The following SORBS2 variants were observed in gnomAD, a reference collection of about 807,000 sequenced individuals.
SORBS2 encodes sorbin and SH3 domain containing 2.
In SORBS2, 46 loss-of-function variants were observed where a neutral mutation model predicts 97.7. The ratio of observed to expected loss-of-function variants is 0.47; its 90% CI spans 0.37 to 0.60. The LOEUF is 0.60. Ranked by LOEUF, SORBS2 falls within the 20% of genes least tolerant of loss-of-function variation. The probability of loss-of-function intolerance (pLI) is 0.00; values close to 1 mark genes in which losing one functional copy is unlikely to be tolerated. For missense variants in SORBS2, 1,316 were observed against 1,282.3 expected (o/e 1.03, Z -0.40); for synonymous variants, 476 against 473.4 (o/e 1.01, Z -0.07).
intron 5 of SORBS2, 63 bp downstream of exon 8, chr4:185,662,041 C>A: frequency 6.3e-7 from 1 of 1,583,532 alleles, no homozygotes; most frequent in Non-Finnish European, 8.6e-7. Flanking sequence ...GCATATCTTT[C>A]TCCTGTGGTT....
intron 4 of SORBS2, among the ~76,000 whole-genome samples, chr4:185,678,220 A>G (rs554468537): frequency 2.0e-5 from 3 of 152,366 alleles, no homozygotes; most frequent in Non-Finnish European, 4.4e-5. Flanking sequence ...GCTTAATCAG[A>G]AACAAAACCA....
At chr4:185,848,964 T>C (rs1357287195) in intron 1 of SORBS2, among the ~76,000 whole-genome samples, 1 of 152,210 alleles carries the variant, frequency 6.6e-6, no homozygotes, top group Non-Finnish European at 1.5e-5. Context: ...CTTATTTATA[T>C]TAAAGAAGCA....
Position 185,713,475 on chromosome 4 carries a change from G to A in SORBS2, c.-197-34653C>T, listed in dbSNP as rs78635286. Among the ~76,000 whole-genome samples the A allele has an allele frequency of 6.8e-3, 1,038 of 152,294 alleles. 21 individuals are homozygous for A. Among genetic ancestry groups the A allele is most frequent in the African/African-American group, 0.024 (1,011 of 41,550 alleles). ...GAGCAGAGACTTTCATCAGGAGAACGTGATTCAGAGGCAGGAAATTTAATC... is the reference window on the plus strand; with the variant it reads ...GAGCAGAGACTTTCATCAGGAGAACATGATTCAGAGGCAGGAAATTTAATC... On this transcript the variant is annotated intron_variant, in intron 2 of 20. Transcript: ENST00000284776.
chr4:185,919,732 G>C (rs1484336335), intron 1 of SORBS2, among the ~76,000 whole-genome samples: 4 of 152,196 alleles, frequency 2.6e-5, no homozygotes, highest in African/African-American at 4.8e-5. Flanking sequence ...AGAAATAGCT[G>C]ATACAATGGT....
At chr4:185,821,484 C>T (rs578143674) in intron 1 of SORBS2, among the ~76,000 whole-genome samples, 3 of 152,288 alleles carry the variant, frequency 2.0e-5, no homozygotes, top group South Asian at 4.1e-4. Flanking sequence ...AGTGCAGTGG[C>T]TCCATCTCAG....
At chr4:185,688,505 AATAGATAGATAG>A (rs35533883) in intron 2 of SORBS2, among the ~76,000 whole-genome samples, 7 of 127,680 alleles carry the variant, frequency 5.5e-5, no homozygotes, top group African/African-American at 1.7e-4. Flanking sequence ...TAGATAGATA[AATAGATAGATAG>A]ATAGATAGAT....
intron 1 of SORBS2, among the ~76,000 whole-genome samples, chr4:185,827,276 C>CCAT (rs2099201108): frequency 4.1e-4 from 2 of 4,868 alleles, no homozygotes; most frequent in African/African-American, 6.4e-4. Context: ...ACCATCATCA[C>CCAT]CATCATCATC....
chr4:185,762,620 C>G (rs28526455), intron 2 of SORBS2, among the ~76,000 whole-genome samples: 28,294 of 152,084 alleles, frequency 0.19, 2,816 homozygotes, highest in Middle Eastern at 0.27. Flanking sequence ...CGAGAGTCAG[C>G]AGCATGTAAT....
chr4:185,832,035 T>C lies in SORBS2; in HGVS notation c.-337-56669A>G, dbSNP rs535162701. Among the ~76,000 whole-genome samples the C allele has an allele frequency of 3.3e-5, 5 of 152,356 alleles. No homozygotes were observed. In the South Asian group the frequency reaches 6.2e-4, roughly 19 times the overall value. On this transcript the variant is annotated intron_variant, in intron 1 of 20. Transcript: ENST00000284776. ...ATTGTGTTCTCTGGTTTTAATATGATCAATCCTTTTATTGAAGAGAAGCAA... is the reference window on the plus strand; with the variant it reads ...ATTGTGTTCTCTGGTTTTAATATGACCAATCCTTTTATTGAAGAGAAGCAA...
chr4:185,883,912 C>T (rs2099238067), intron 1 of SORBS2, among the ~76,000 whole-genome samples: 1 of 152,174 alleles, frequency 6.6e-6, no homozygotes, highest in African/African-American at 2.4e-5. Flanking sequence ...CTCTCAAAAG[C>T]ATTTTGCTAA....
intron 1 of SORBS2, among the ~76,000 whole-genome samples, chr4:185,905,095 ACT>A (rs1409599051): frequency 6.8e-6 from 1 of 147,958 alleles, no homozygotes; most frequent in Non-Finnish European, 1.5e-5. Context: ...CAAGAGTGAA[ACT>A]CTGTCAAAAA....
exon 15 of SORBS2, chr4:185,586,135 G>A (rs561495838): frequency 1.1e-4 from 5 of 45,832 alleles, no homozygotes; most frequent in African/African-American, 2.3e-4. Context: ...CGTACATTGT[G>A]AAAAGATCAA....
chr4:185,691,554 G>A (rs928882278), intron 2 of SORBS2, among the ~76,000 whole-genome samples: 1 of 151,322 alleles, frequency 6.6e-6, no homozygotes. Flanking sequence ...TGAATGTAAC[G>A]CATATTTTCA....
intron 1 of SORBS2, among the ~76,000 whole-genome samples, chr4:185,920,292 C>T (rs915509121): frequency 1.3e-5 from 2 of 152,120 alleles, no homozygotes; most frequent in African/African-American, 4.8e-5. Flanking sequence ...ACTCAGTGGA[C>T]GCCAGCAGCA....
At chr4:185,594,238 G>A (rs1459978876) in intron 12 of SORBS2, among the ~76,000 whole-genome samples, 1 of 152,134 alleles carries the variant, frequency 6.6e-6, no homozygotes, top group East Asian at 1.9e-4. Context: ...CCAGGAATAA[G>A]GCAAGAACAT....
intron 11 of SORBS2, 89 bp from the exon 24 acceptor site, chr4:185,612,069 T>C: frequency 9.6e-7 from 1 of 1,042,672 alleles, no homozygotes; most frequent in Non-Finnish European, 1.4e-6. Flanking sequence ...AAAAATAGGT[T>C]TCCATTTGGG....
intron 1 of SORBS2, among the ~76,000 whole-genome samples, chr4:185,851,305 A>G (rs2099217763): frequency 7.2e-5 from 11 of 152,108 alleles, no homozygotes; most frequent in Admixed American, 7.2e-4. Flanking sequence ...CACAAAGACC[A>G]TGATTTGGTG....
At chr4:185,761,474 CT>C (rs1242646331) in intron 2 of SORBS2, 2 of 152,214 alleles carry the variant, frequency 1.3e-5, no homozygotes, top group African/African-American at 4.8e-5. Flanking sequence ...ATAAATTCAC[CT>C]GCATTTTTAG....
At chr4:185,689,875 A>G (rs1435018545) in intron 2 of SORBS2, among the ~76,000 whole-genome samples, 5 of 152,248 alleles carry the variant, frequency 3.3e-5, no homozygotes, top group East Asian at 1.9e-4. Context: ...CAAAATTTCA[A>G]CGAGAAAGTT....
Sources: allele counts gnomAD v4.1 joint callset (sites outside exome capture counted in the v4.1 genomes callset), GRCh38; gene constraint gnomAD v4.1.1; transcripts MANE v1.5; gene names NCBI Gene and HGNC (gene_info 2026-07-23, HGNC 2026-07-21).